Variants in STPG2 observed in about 807,000 individuals in gnomAD.
STPG2 encodes the protein sperm tail PG-rich repeat containing 2, also known as sperm-tail PG-rich repeat-containing protein 2.
Under a neutral mutation model 54.2 loss-of-function variants are expected in STPG2, and 56 were observed. The observed-to-expected ratio is 1.03, with a 90% CI of 0.83 to 1.29. The LOEUF is 1.29. Among genes scored for constraint, STPG2 ranks in the 50% most tolerant of loss-of-function variants. The pLI, the probability that STPG2 is intolerant of heterozygous loss-of-function variation, is 0.00. For missense variants in STPG2, 596 were observed against 544.9 expected, an observed-to-expected ratio of 1.09 and a Z score of -0.93; for synonymous variants, 200 against 181.8, an observed-to-expected ratio of 1.10 and a Z score of -0.81.
intron 8 of STPG2, among the ~76,000 whole-genome samples, chr4:97,884,992 A>C: frequency 6.6e-6 from 1 of 152,300 alleles, no homozygotes; most frequent in Middle Eastern, 3.4e-3. Context: ...CTACAGACAA[A>C]GATAGCCTTC....
At chr4:98,014,901 T>C (rs915713675) in intron 5 of STPG2, among the ~76,000 whole-genome samples, 1 of 152,190 alleles carries the variant, frequency 6.6e-6, no homozygotes, top group Non-Finnish European at 1.5e-5. Flanking sequence ...TGACATTTTT[T>C]TTCTTTCAGC....
At chr4:97,930,864 G>C (rs374699920) in intron 8 of STPG2, among the ~76,000 whole-genome samples, 1 of 152,056 alleles carries the variant, frequency 6.6e-6, no homozygotes, top group Non-Finnish European at 1.5e-5. Context: ...ATTACTTTGA[G>C]CAGTGTTTTG....
chr4:97,506,705 T>G (rs1360212989), intron 4 of STPG2, among the ~76,000 whole-genome samples: 2 of 152,106 alleles, frequency 1.3e-5, no homozygotes, highest in Admixed American at 6.6e-5. Flanking sequence ...GCAAATGGAC[T>G]GTTATATTAG....
intron 6 of STPG2, among the ~76,000 whole-genome samples, chr4:97,973,437 T>A (rs1734401468): frequency 6.6e-6 from 1 of 152,150 alleles, no homozygotes; most frequent in East Asian, 1.9e-4. Context: ...AAGCAGAGCA[T>A]AAAAGTTCGT....
At chr4:97,816,981 T>C (rs1431654271) in intron 9 of STPG2, among the ~76,000 whole-genome samples, 2 of 147,674 alleles carry the variant, frequency 1.4e-5, no homozygotes, top group Non-Finnish European at 3.0e-5. Flanking sequence ...TTATATATTA[T>C]ATATTATTTT....
intron 8 of STPG2, among the ~76,000 whole-genome samples, chr4:97,887,323 T>C (rs1212177582): frequency 6.6e-6 from 1 of 152,166 alleles, no homozygotes; most frequent in Admixed American, 6.5e-5. Flanking sequence ...ACCAAAATGC[T>C]GGTAGTGAAA....
chr4:97,911,614 T>A (rs888094679), intron 8 of STPG2, among the ~76,000 whole-genome samples: 2 of 152,090 alleles, frequency 1.3e-5, no homozygotes, highest in Non-Finnish European at 2.9e-5. Context: ...AATCCATCCC[T>A]CCTCACCAGG....
intron 10 of STPG2, among the ~76,000 whole-genome samples, chr4:97,629,928 C>T (rs1401935445): frequency 1.3e-5 from 2 of 151,892 alleles, no homozygotes; most frequent in Admixed American, 6.6e-5. Flanking sequence ...AACTGATATG[C>T]CCATTATTCC....
At chr4:97,649,633 G>C (rs1722009307) in intron 10 of STPG2, among the ~76,000 whole-genome samples, 1 of 152,126 alleles carries the variant, frequency 6.6e-6, no homozygotes, top group African/African-American at 2.4e-5. Flanking sequence ...TCAGTATGTA[G>C]TTTGGAGCAG....
At chr4:97,890,008 A>T (rs1458665077) in intron 8 of STPG2, among the ~76,000 whole-genome samples, 1 of 152,160 alleles carries the variant, frequency 6.6e-6, no homozygotes, top group Non-Finnish European at 1.5e-5. Context: ...ATAAAAGGAA[A>T]ATTAAAGACA....
chr4:97,708,964 G>C (rs939954320), intron 10 of STPG2, among the ~76,000 whole-genome samples: 1 of 151,546 alleles, frequency 6.6e-6, no homozygotes, highest in Non-Finnish European at 1.5e-5. Flanking sequence ...GTTAATTTCT[G>C]TACTACTTGA....
intron 9 of STPG2, among the ~76,000 whole-genome samples, chr4:97,748,924 T>C (rs1350887353): frequency 2.6e-5 from 4 of 151,554 alleles, no homozygotes; most frequent in Non-Finnish European, 5.9e-5. Flanking sequence ...ATAATTCTTG[T>C]AGTCCAATTT....
chr4:97,918,070 TA>T (rs147489267), intron 8 of STPG2, among the ~76,000 whole-genome samples: 5 of 151,322 alleles, frequency 3.3e-5, no homozygotes, highest in Admixed American at 6.6e-5. Flanking sequence ...ATAAGGAAGA[TA>T]AAAAAAAACC....
At chr4:98,031,211 T>G (rs937804979) in intron 5 of STPG2, among the ~76,000 whole-genome samples, 2 of 152,168 alleles carry the variant, frequency 1.3e-5, no homozygotes, top group African/African-American at 4.8e-5. Context: ...ATGTAGAGAA[T>G]GAAATTGGAT....
chr4:97,847,206 A>G (rs907933159), intron 8 of STPG2, among the ~76,000 whole-genome samples: 13 of 152,148 alleles, frequency 8.5e-5, no homozygotes, highest in African/African-American at 3.1e-4. Flanking sequence ...TTGGTTCTAT[A>G]AAGAAGAAAG....
intron 8 of STPG2, among the ~76,000 whole-genome samples, chr4:97,887,497 G>A (rs1053425756): frequency 6.6e-6 from 1 of 152,156 alleles, no homozygotes; most frequent in Admixed American, 6.5e-5. Context: ...ATGATTTAGG[G>A]TATCTAACAG....
At chr4:97,821,810 C>A (rs1193825953) in intron 9 of STPG2, among the ~76,000 whole-genome samples, 1 of 152,196 alleles carries the variant, frequency 6.6e-6, no homozygotes, top group Non-Finnish European at 1.5e-5. Flanking sequence ...GTCTGAGTGG[C>A]CTGAATGCCA....
intron 10 of STPG2, among the ~76,000 whole-genome samples, chr4:97,587,915 T>C (rs1165215242): frequency 2.0e-5 from 3 of 152,034 alleles, no homozygotes; most frequent in South Asian, 2.1e-4. Context: ...TAAAAATTAA[T>C]TTCAGAATCC....
chr4:98,042,919 T>C (rs1344199635), intron 5 of STPG2, among the ~76,000 whole-genome samples: 1 of 152,024 alleles, frequency 6.6e-6, no homozygotes, highest in African/African-American at 2.4e-5. Context: ...TATTATCAAA[T>C]TGTAAGAAGG....
Sources: allele counts gnomAD v4.1 joint callset (sites outside exome capture counted in the v4.1 genomes callset), GRCh38; gene constraint gnomAD v4.1.1; transcripts MANE v1.5; gene names NCBI Gene and HGNC (gene_info 2026-07-23, HGNC 2026-07-21).